CNTNAP5: variants seen among roughly 807,000 people sequenced by gnomAD.
CNTNAP5 encodes contactin-associated protein-like 5.
Under a neutral mutation model 150.2 loss-of-function variants are expected in CNTNAP5, and 72 were observed. The observed-to-expected ratio is 0.48, with a 90% confidence interval of 0.40 to 0.58. The LOEUF is 0.58. Among genes scored for constraint, CNTNAP5 ranks in the 20% least tolerant of loss-of-function variants. CNTNAP5 has a pLI of 0.00. For missense variants in CNTNAP5, 1,636 were observed against 1,626.2 expected (o/e 1.01, Z -0.10); for synonymous variants, 672 against 619.8 (o/e 1.08, Z -1.25).
chr2:124,857,453 A>T (rs1277122780), intron 19 of CNTNAP5, among the ~76,000 whole-genome samples: 1 of 152,026 alleles, frequency 6.6e-6, no homozygotes, highest in Non-Finnish European at 1.5e-5. Flanking sequence ...CAGTGCAGAG[A>T]CTGCTCAACT....
Position 124,529,017 on chromosome 2 carries a change from A to C in CNTNAP5, c.1649+1561A>C, listed in dbSNP as rs1235024939. 3.3e-5 allele frequency among the ~76,000 whole-genome samples: 5 copies of C among 151,724 alleles called. No individual in the cohort carries two copies. The East Asian group carries it at 7.7e-4, about 24-fold the overall frequency. On this transcript the variant is annotated intron_variant, in intron 10 of 23. Coordinates refer to ENST00000682447, the MANE Select transcript of CNTNAP5 (RefSeq NM_001367498.1). ...CTCCATTAATATCACTATGCATGGG[A>C]TCATCAACAAATCATGCAGATTTTC... is the stretch of plus-strand genomic sequence containing the variant.
chr2:124,186,276 TTG>T (rs1473944576), intron 1 of CNTNAP5, among the ~76,000 whole-genome samples: 6 of 152,248 alleles, frequency 3.9e-5, no homozygotes, highest in Admixed American at 2.6e-4. Context: ...TATTCTATAG[TTG>T]TGTGTTATGT....
chr2:124,917,443 G>T lies in CNTNAP5; in HGVS notation c.*3155G>T, dbSNP rs867773240. On this transcript the variant is annotated 3_prime_UTR_variant, in exon 24 of 24. Coordinates refer to ENST00000682447, the MANE Select transcript of CNTNAP5 (RefSeq NM_001367498.1). ...TCAATTGCCATCTTTATGAAAATTT[G>T]TCTGGAGAAATAGACATTTGTCATT... Among the ~76,000 whole-genome samples, 3 of 151,876 alleles carry T rather than the reference G, an allele frequency of 2.0e-5. No homozygotes were observed. The highest frequency in any genetic ancestry group is 4.8e-5 in the African/African-American group (2 of 41,370).
At chr2:124,588,197 T>C (rs189714270) in intron 11 of CNTNAP5, among the ~76,000 whole-genome samples, 14,145 of 119,552 alleles carry the variant, frequency 0.12, 1,091 homozygotes, top group Non-Finnish European at 0.13. Context: ...TCTTTCTTTC[T>C]TTCTTTCTTT....
At chr2:124,461,617 T>C (rs1370182832) in intron 6 of CNTNAP5, among the ~76,000 whole-genome samples, 1 of 151,732 alleles carries the variant, frequency 6.6e-6, no homozygotes, top group African/African-American at 2.4e-5. Flanking sequence ...GCATGGCACA[T>C]GTATACATAT....
intron 3 of CNTNAP5, among the ~76,000 whole-genome samples, chr2:124,338,545 G>A (rs975557839): frequency 6.6e-6 from 1 of 152,198 alleles, no homozygotes; most frequent in Non-Finnish European, 1.5e-5. Flanking sequence ...TAGATAAAAA[G>A]TCTGAATGTG....
Position 124,848,860 on chromosome 2 carries a change from A to G in CNTNAP5, c.3218-16446A>G, listed in dbSNP as rs1032563811. Among the ~76,000 whole-genome samples, 12 of 152,258 alleles carry G rather than the reference A, an allele frequency of 7.9e-5. No individual in the cohort carries two copies. The East Asian group carries it at 2.3e-3, about 29-fold the overall frequency. On this transcript the variant is annotated intron_variant, in intron 19 of 23. Coordinates refer to ENST00000682447, the MANE Select transcript of CNTNAP5 (RefSeq NM_001367498.1). ...TGTCATTGTTTATTCTTTGCTATTGAGTTGAGTTCTTTATATATTTTGGAT... is the reference window on the plus strand; with the variant it reads ...TGTCATTGTTTATTCTTTGCTATTGGGTTGAGTTCTTTATATATTTTGGAT...
intron 13 of CNTNAP5, among the ~76,000 whole-genome samples, chr2:124,706,701 T>G (rs1173680900): frequency 2.0e-5 from 3 of 148,274 alleles, no homozygotes; most frequent in African/African-American, 7.5e-5. Flanking sequence ...GAGCTGAGAT[T>G]ATACCACTAC....
intron 14 of CNTNAP5, among the ~76,000 whole-genome samples, chr2:124,753,470 T>C (rs1204340795): frequency 6.6e-6 from 1 of 152,196 alleles, no homozygotes; most frequent in Non-Finnish European, 1.5e-5. Flanking sequence ...TGTTAGCCAT[T>C]ACTCCTGTTT....
chr2:124,790,211 G>A (rs1681695835), intron 18 of CNTNAP5, 70 bp downstream of exon 18: 2 of 1,456,296 alleles, frequency 1.4e-6, no homozygotes, highest in Admixed American at 2.3e-5. Context: ...CAGGCCATGT[G>A]ATACTCACAC....
At chr2:124,521,861 G>A (rs1477752550) in intron 8 of CNTNAP5, among the ~76,000 whole-genome samples, 3 of 152,198 alleles carry the variant, frequency 2.0e-5, no homozygotes, top group Non-Finnish European at 4.4e-5. Flanking sequence ...ACACCTGACA[G>A]ATTCTCTGTC....
At chr2:124,528,602 T>A (rs1260235118) in intron 10 of CNTNAP5, among the ~76,000 whole-genome samples, 1 of 152,218 alleles carries the variant, frequency 6.6e-6, no homozygotes, top group Non-Finnish European at 1.5e-5. Flanking sequence ...TTACAATTAA[T>A]GGTGTCTTAG....
intron 1 of CNTNAP5, among the ~76,000 whole-genome samples, chr2:124,086,636 A>G (rs1040962863): frequency 6.6e-6 from 1 of 151,380 alleles, no homozygotes; most frequent in Non-Finnish European, 1.5e-5. Context: ...CTTATCTTCT[A>G]AGTTTCCTTT....
At chr2:124,643,984 G>T (rs1678150566) in intron 12 of CNTNAP5, among the ~76,000 whole-genome samples, 1 of 152,140 alleles carries the variant, frequency 6.6e-6, no homozygotes, top group African/African-American at 2.4e-5. Flanking sequence ...GTGTTGTGCT[G>T]GCACACAAAC....
At chr2:124,557,144 T>C (rs1387529375) in intron 10 of CNTNAP5, among the ~76,000 whole-genome samples, 1 of 152,050 alleles carries the variant, frequency 6.6e-6, no homozygotes, top group Non-Finnish European at 1.5e-5. Flanking sequence ...TCAATGGACA[T>C]AAGTAATCAA....
chr2:124,656,170 A>C (rs141711471), intron 13 of CNTNAP5, among the ~76,000 whole-genome samples: 28 of 152,200 alleles, frequency 1.8e-4, no homozygotes, highest in Non-Finnish European at 3.4e-4. Context: ...TTAAATGACA[A>C]TGTCATCTTC....
intron 10 of CNTNAP5, among the ~76,000 whole-genome samples, chr2:124,534,481 T>C (rs1695183889): frequency 6.6e-6 from 1 of 152,202 alleles, no homozygotes; most frequent in Admixed American, 6.5e-5. Flanking sequence ...CTGAGGGTTC[T>C]TGCCCTTTTT....
At chr2:124,536,222 G>A (rs982197617) in intron 10 of CNTNAP5, among the ~76,000 whole-genome samples, 1 of 152,074 alleles carries the variant, frequency 6.6e-6, no homozygotes, top group African/African-American at 2.4e-5. Flanking sequence ...ATTTCACAGA[G>A]GGGAAAAAAA....
At chr2:124,297,383 A>G (rs907296817) in intron 3 of CNTNAP5, among the ~76,000 whole-genome samples, 1 of 152,190 alleles carries the variant, frequency 6.6e-6, no homozygotes, top group Admixed American at 6.5e-5. Context: ...GAAAATGCAC[A>G]GGAATGATAC....
Sources: allele counts gnomAD v4.1 joint callset (sites outside exome capture counted in the v4.1 genomes callset), GRCh38; gene constraint gnomAD v4.1.1; transcripts MANE v1.5; gene names NCBI Gene and HGNC (gene_info 2026-07-23, HGNC 2026-07-21).